The following RPAP1 variants were observed in gnomAD, a reference collection of about 807,000 sequenced individuals.
RPAP1 encodes the protein RNA polymerase II-associated protein 1.
RPAP1 carries 109 observed loss-of-function variants against 142.4 expected under a neutral mutation model. The ratio of observed to expected loss-of-function variants is 0.77; its 90% CI spans 0.66 to 0.90. The LOEUF (loss-of-function observed/expected upper bound fraction) is 0.90, where lower values mean the gene tolerates loss of function less well. Among genes scored for constraint, RPAP1 ranks in the 40% least tolerant of loss-of-function variants. RPAP1 has a pLI of 0.00. For synonymous variants in RPAP1, 704 were observed against 738.9 expected (o/e 0.95, Z 0.77); for missense variants, 1,546 against 1,751.7 (o/e 0.88, Z 2.10).
intron 1 of RPAP1, among the ~76,000 whole-genome samples, chr15:41,541,987 T>A (rs1259514093): frequency 6.6e-6 from 1 of 152,066 alleles, no homozygotes; most frequent in Admixed American, 6.6e-5. Context: ...GTAGAAATGG[T>A]GAAACAATCA....
Position 41,520,765 on chromosome 15 carries a change from T to C in RPAP1, c.3421A>G (p.Ser1141Gly). 1 of 1,613,568 alleles carries C rather than the reference T, an allele frequency of 6.2e-7. No individual in the cohort carries two copies. Among genetic ancestry groups the C allele is most frequent in the South Asian group, 1.1e-5 (1 of 91,056 alleles). The change falls in exon 22 of 25, where the codon AGC (serine) becomes GGC (glycine). Residue 1141 changes from serine to glycine, a missense_variant. Physicochemically the swap from Ser to Gly is moderately conservative, Grantham distance 56 (BLOSUM62 0). Around this residue, in one of 3 missense-constraint regions of RPAP1, gnomAD observed 1,333 missense variants for 1,486.6 expected, o/e 0.90. Coordinates refer to ENST00000304330, the MANE Select transcript of RPAP1 (RefSeq NM_015540.4). ...RVLQWVLVLE[S>G]WRPQALWAVP... ...GCCCAGAGAGCCTGGGGGCGCCAGC[T>C]CTCCAAAACTAGCACCCACTGCAGG...
rs752476338 is a variant in RPAP1 at position 41,531,152 on chromosome 15, T to C, written c.814A>G (p.Thr272Ala). ...TGCTCCTCAGAGGCTGTCTCTCCTG[T>C]TTGCTCTTGCGTGTGGCTGTGAGAT... ...LRSHSHTQEQ[T>A]GETASEEQRP... Residue 272 changes from threonine to alanine, a missense_variant, in exon 7 of 25, where the codon ACA becomes GCA. Thr to Ala is a moderately conservative substitution (Grantham distance 58). Coordinates refer to ENST00000304330, the MANE Select transcript of RPAP1 (RefSeq NM_015540.4). The C allele has an allele frequency of 5.3e-5, 86 of 1,613,658 alleles. 1 individual carries two copies. In the South Asian group the frequency reaches 9.0e-4, roughly 17 times the overall value.
chr15:41,536,274 G>T, intron 3 of RPAP1, 56 bp from the exon 4 acceptor site: 1 of 1,532,542 alleles, frequency 6.5e-7, no homozygotes, highest in Non-Finnish European at 9.0e-7. Flanking sequence ...CCCCAGGCTG[G>T]ACCCGATCCT....
At position 41,536,068 on chromosome 15, in the gene RPAP1, G is replaced by A. The variant is rs1024796225; in HGVS notation, c.420+61C>T. On this transcript the variant is annotated intron_variant, in intron 4 of 24. Coordinates refer to ENST00000304330, the MANE Select transcript of RPAP1 (RefSeq NM_015540.4). ...TCATTAAAACTACCTGCCTGGAGAA[G>A]ATGCACTATGAGACTCACCTGTCTG... The A allele has an allele frequency of 2.3e-5, 28 of 1,230,668 alleles. No individual in the cohort carries two copies. The South Asian group carries it at 3.3e-4, about 15-fold the overall frequency. The allele number at this position is 1,230,668 out of a possible 1,614,324, so 76.2% of individuals were successfully genotyped here. A position where few individuals can be genotyped will look rare whatever the true frequency, so the allele number is the denominator to read the frequency against.
intron 1 of RPAP1, among the ~76,000 whole-genome samples, chr15:41,541,762 G>A (rs2051974408): frequency 6.6e-6 from 1 of 152,150 alleles, no homozygotes; most frequent in African/African-American, 2.4e-5. Context: ...CAGGAGAATG[G>A]CGTGAACCCG....
intron 3 of RPAP1, 69 bp downstream of exon 3, chr15:41,536,432 C>G: frequency 6.3e-7 from 1 of 1,582,242 alleles, no homozygotes; most frequent in Non-Finnish European, 8.6e-7. Context: ...TAAGCCTCAC[C>G]CACCCCGAGC....
At chr15:41,522,037 C>T (rs1303645373) in intron 20 of RPAP1, 61 bp downstream of exon 20, 1 of 1,593,222 alleles carries the variant, frequency 6.3e-7, no homozygotes, top group Non-Finnish European at 8.6e-7. Context: ...AGGCTGGGTT[C>T]CACAGAAACA....
Position 41,526,959 on chromosome 15 carries a change from G to A in RPAP1, c.1856C>T (p.Ala619Val), listed in dbSNP as rs750769880. 1.2e-6 allele frequency: 2 copies of A among 1,614,176 alleles called. No individual in the cohort carries two copies. Among genetic ancestry groups the A allele is most frequent in the East Asian group, 2.2e-5 (1 of 44,890 alleles). ...PTPSLYKVPC[A>V]TAMKLLRVLA... Reference sequence around the variant, plus strand: ...GACACGAAGTAGTTTCATGGCAGTAGCACAGGGTACTTTGTATAGACTAGG... The same window carrying A: ...GACACGAAGTAGTTTCATGGCAGTAACACAGGGTACTTTGTATAGACTAGG... The change falls in exon 14 of 25, where the codon GCT (alanine) becomes GTT (valine). Residue 619 changes from alanine to valine, a missense_variant. By Grantham distance (64) the Ala-to-Val change is moderately conservative. Around this residue, in one of 3 missense-constraint regions of RPAP1, gnomAD observed 1,333 missense variants for 1,486.6 expected, o/e 0.90. Transcript: ENST00000304330.
rs1388172105 is a variant in RPAP1 at position 41,521,027 on chromosome 15, G to A, written c.3159C>T (p.Pro1053=). ...GAGTCAGGTAGCAGTTGCGGATGCT[G>A]GGGAGGTCCTGGCAGGCCTGAGCCA... ...TLLAQACQDL[P]SIRNCYLTHC... Residue 1053 remains proline, a synonymous_variant, in exon 22 of 25, where the codon CCC becomes CCT. Coordinates refer to ENST00000304330, the MANE Select transcript of RPAP1 (RefSeq NM_015540.4). 3 of 1,600,208 alleles carry A rather than the reference G, an allele frequency of 1.9e-6. No individual in the cohort carries two copies. Among genetic ancestry groups the A allele is most frequent in the Non-Finnish European group, 2.6e-6 (3 of 1,173,206 alleles).
rs932236635 is a variant in RPAP1, at chr15:41,521,827, G to T, written c.2949C>A (p.Ala983=). ...ATHAALYHGM[A]LALLSRLLPG... ...GCAGCAGCCGGCTCAGCAGGGCCAA[G>T]GCCATACCATGATAGAGGGCAGCAT... Residue 983 remains alanine, a synonymous_variant, in exon 21 of 25, where the codon GCC becomes GCA. Coordinates refer to ENST00000304330, the MANE Select transcript of RPAP1 (RefSeq NM_015540.4). 4 of 1,614,076 alleles carry T rather than the reference G, an allele frequency of 2.5e-6. No homozygotes were observed. The highest frequency in any genetic ancestry group is 3.4e-6 in the Non-Finnish European group (4 of 1,180,046).
rs2051740840 is a variant in RPAP1 at position 41,522,684 on chromosome 15, C to T, written c.2742+81G>A. ...GGATTACAGGCGTGAGCCACCGCGC[C>T]CATCCCACCCTCCCACTTTCTTTCT... On this transcript the variant is annotated intron_variant, in intron 19 of 24. Transcript: ENST00000304330. 10 of 779,698 alleles carry T rather than the reference C, an allele frequency of 1.3e-5. 1 individual carries two copies. Among genetic ancestry groups the T allele is most frequent in the Non-Finnish European group, 2.0e-5 (10 of 498,204 alleles). 48.3% of individuals were successfully genotyped at this position (779,698 alleles called of 1,614,324 possible).
Position 41,525,029 on chromosome 15 carries a change from A to G in RPAP1, c.2037T>C (p.Ala679=). Residue 679 remains alanine (A), a synonymous_variant, in exon 15 of 25, where the codon GCT becomes GCC. Coordinates refer to ENST00000304330, the MANE Select transcript of RPAP1 (RefSeq NM_015540.4). ...CGCCCTGGCCATAGGAGGCAGCCAC[A>G]GCCCACAGACGGAGGGCCTCGGTGC... The part of the protein sequence containing the change: ...MLSTEALRLW[A]VAASYGQGGY... 6.2e-7 allele frequency: 1 copy of G among 1,613,982 alleles called. No individual in the cohort carries two copies. The highest frequency in any genetic ancestry group is 1.3e-5 in the African/African-American group (1 of 75,036).
intron 22 of RPAP1, 196 bp downstream of exon 22, chr15:41,520,195 G>T: frequency 1.6e-6 from 1 of 630,528 alleles, no homozygotes; most frequent in Non-Finnish European, 2.7e-6. Context: ...CAGCTTCCCA[G>T]AGTGATGGAA....
At position 41,517,903 on chromosome 15, in the gene RPAP1, C is replaced by T. The variant is rs373818184; in HGVS notation, c.3973-46G>A. ...GGTGGCACTGAGCCGAGGGCTGGTACCCACCACTGGCCTTGCTTGACACTT... is the reference window on the plus strand; with the variant it reads ...GGTGGCACTGAGCCGAGGGCTGGTATCCACCACTGGCCTTGCTTGACACTT... On this transcript the variant is annotated intron_variant, in intron 23 of 24. Coordinates refer to ENST00000304330, the MANE Select transcript of RPAP1 (RefSeq NM_015540.4). 7 of 1,613,316 alleles carry T rather than the reference C, an allele frequency of 4.3e-6. 1 individual carries two copies. The African/African-American group carries it at 8.0e-5, about 18-fold the overall frequency.
At chr15:41,537,299 C>T (rs1595489116) in intron 1 of RPAP1, 98 bp from the exon 2 acceptor site, 3 of 618,864 alleles carry the variant, frequency 4.8e-6, no homozygotes, top group East Asian at 5.6e-5. Flanking sequence ...TTAACATGAA[C>T]TCATTCCTCC....
In RPAP1 at chr15:41,523,875, T is replaced by A; in HGVS notation, c.2332A>T (p.Thr778Ser). ...QPLVEPCLRQ[T>S]LKLLSRPEMW... Reference sequence around the variant, plus strand: ...TCAGGTCTGGACAGCAACTTCAAGGTCTGCCTTAGACACGGCTCAACAAGA... The same window carrying A: ...TCAGGTCTGGACAGCAACTTCAAGGACTGCCTTAGACACGGCTCAACAAGA... The change falls in exon 17 of 25, where the codon ACC becomes TCC. Residue 778 changes from threonine (T) to serine (S), a missense_variant. Thr to Ser is a moderately conservative substitution (Grantham distance 58). Around this residue, in one of 3 missense-constraint regions of RPAP1, gnomAD observed 1,333 missense variants for 1,486.6 expected, o/e 0.90. Coordinates refer to ENST00000304330, the MANE Select transcript of RPAP1 (RefSeq NM_015540.4). 2 of 1,608,104 alleles carry A rather than the reference T, an allele frequency of 1.2e-6. No homozygotes were observed. Among genetic ancestry groups the A allele is most frequent in the Non-Finnish European group, 1.7e-6 (2 of 1,177,106 alleles).
At chr15:41,538,735 C>T (rs762428194) in intron 1 of RPAP1, among the ~76,000 whole-genome samples, 3 of 152,110 alleles carry the variant, frequency 2.0e-5, no homozygotes, top group Admixed American at 6.6e-5. Context: ...TAAGACTTTA[C>T]GTAACCATGG....
At position 41,522,223 on chromosome 15, in the gene RPAP1, G is replaced by A; in HGVS notation, c.2770C>T (p.Leu924Phe). ...QLAAILAAPGLQNYFLQCVAP... is the reference protein window; with the variant it reads ...QLAAILAAPGFQNYFLQCVAP... ...ACACACTGGAGGAAGTAATTCTGGA[G>A]TCCCGGGGCAGCCAATATGGCAGCC... The change falls in exon 20 of 25, where the codon CTC (leucine) becomes TTC (phenylalanine). Residue 924 changes from leucine (L) to phenylalanine (F), a missense_variant. This residue lies in a region of RPAP1 where 1,333 missense variants were observed against 1,486.6 expected (regional missense o/e 0.90). Transcript: ENST00000304330. The A allele has an allele frequency of 6.2e-7, 1 of 1,613,762 alleles. No homozygotes were observed. Among genetic ancestry groups the A allele is most frequent in the Non-Finnish European group, 8.5e-7 (1 of 1,179,976 alleles).
intron 22 of RPAP1, 148 bp downstream of exon 22, chr15:41,520,243 C>A: frequency 1.2e-6 from 1 of 856,800 alleles, no homozygotes; most frequent in Non-Finnish European, 1.8e-6. Flanking sequence ...CCATGTTAAG[C>A]CCTTTTCATT....
Sources: allele counts gnomAD v4.1 joint callset (sites outside exome capture counted in the v4.1 genomes callset), GRCh38; gene constraint gnomAD v4.1.1; regional missense constraint gnomAD v4.1.1; transcripts MANE v1.5; gene names NCBI Gene and HGNC (gene_info 2026-07-23, HGNC 2026-07-21).